MPPED2: variants seen among roughly 807,000 people sequenced by gnomAD.
MPPED2 encodes the protein metallophosphoesterase domain containing 2, also known as metallophosphoesterase MPPED2.
MPPED2 carries 5 observed loss-of-function variants against 33.0 expected under a neutral mutation model. That is an observed-to-expected ratio of 0.15 (90% confidence interval 0.08 to 0.32). The LOEUF (loss-of-function observed/expected upper bound fraction) is 0.32. Among genes scored for constraint, MPPED2 ranks in the 10% least tolerant of loss-of-function variants. The probability of loss-of-function intolerance (pLI) is 1.00; values close to 1 mark genes in which losing one functional copy is unlikely to be tolerated. For missense variants in MPPED2, 275 were observed against 372.1 expected (o/e 0.74, Z 2.15); for synonymous variants, 136 against 141.9 (o/e 0.96, Z 0.29).
chr11:30,473,720 G>A (rs1225799617), intron 4 of MPPED2, among the ~76,000 whole-genome samples: 1 of 152,152 alleles, frequency 6.6e-6, no homozygotes, highest in Non-Finnish European at 1.5e-5. Context: ...CCATCTTCCT[G>A]CATCTTTCTG....
At chr11:30,524,717 G>A (rs923120206) in intron 3 of MPPED2, among the ~76,000 whole-genome samples, 9 of 152,298 alleles carry the variant, frequency 5.9e-5, no homozygotes, top group African/African-American at 2.2e-4. Context: ...CTCAGGAAGT[G>A]AAATGAATAA....
chr11:30,563,390 G>A (rs2134737878), intron 2 of MPPED2, among the ~76,000 whole-genome samples: 1 of 152,304 alleles, frequency 6.6e-6, no homozygotes, highest in Non-Finnish European at 1.5e-5. Flanking sequence ...GCTCCTATCA[G>A]AATCTAATGT....
chr11:30,477,760 A>C (rs548024965), intron 4 of MPPED2, among the ~76,000 whole-genome samples: 2 of 152,138 alleles, frequency 1.3e-5, no homozygotes, highest in South Asian at 4.2e-4. Flanking sequence ...AAATTTCGGA[A>C]AGATTTTCTG....
chr11:30,515,760 C>T (rs975515151), intron 3 of MPPED2, among the ~76,000 whole-genome samples: 1 of 152,162 alleles, frequency 6.6e-6, no homozygotes, highest in African/African-American at 2.4e-5. Flanking sequence ...ATGCACTACC[C>T]CCAATTTGCC....
chr11:30,495,307 G>GAATCCCTTCACTGT lies in MPPED2; in HGVS notation c.524_525insACAGTGAAGGGATT (p.Tyr175Ter). On this transcript the variant is annotated stop_gained and frameshift_variant, in exon 4 of 7. Transcript: ENST00000358117. LOFTEE classifies it high-confidence loss of function. ...GAATCATCACTTACCAAGGTGCACC[G>GAATCCCTTCACTGT]TATATCCTGAATCCCTTCACTGTTA... The GAATCCCTTCACTGT allele has an allele frequency of 6.2e-7, 1 of 1,611,018 alleles. No individual in the cohort carries two copies. Among genetic ancestry groups the GAATCCCTTCACTGT allele is most frequent in the Non-Finnish European group, 8.5e-7 (1 of 1,177,226 alleles).
At chr11:30,547,163 T>A (rs1251854111) in intron 2 of MPPED2, among the ~76,000 whole-genome samples, 2 of 152,216 alleles carry the variant, frequency 1.3e-5, no homozygotes, top group Non-Finnish European at 2.9e-5. Context: ...AATCTAGGTC[T>A]AACTGCAATT....
intron 2 of MPPED2, among the ~76,000 whole-genome samples, chr11:30,561,217 C>T (rs997354334): frequency 3.9e-5 from 6 of 152,080 alleles, no homozygotes; most frequent in African/African-American, 1.4e-4. Context: ...CTGCTACAGC[C>T]AGTATATTCA....
chr11:30,520,575 A>G (rs577043861), intron 3 of MPPED2, among the ~76,000 whole-genome samples: 121 of 152,244 alleles, frequency 7.9e-4, no homozygotes, highest in African/African-American at 2.7e-3. Context: ...TTTGTCACCT[A>G]TGACTTTTTG....
chr11:30,416,660 T>C (rs1268926666), intron 5 of MPPED2, among the ~76,000 whole-genome samples: 2 of 152,168 alleles, frequency 1.3e-5, no homozygotes, highest in Non-Finnish European at 2.9e-5. Context: ...TGTGTGTGTT[T>C]AGCCACAATT....
At position 30,552,007 on chromosome 11, in the gene MPPED2, C is replaced by T. The variant is rs1033213261; in HGVS notation, c.129-15832G>A. 1.2e-4 allele frequency among the ~76,000 whole-genome samples: 18 copies of T among 152,232 alleles called. 1 individual carries two copies. The highest frequency in any genetic ancestry group is 4.1e-4 in the African/African-American group (17 of 41,444). On this transcript the variant is annotated intron_variant, in intron 2 of 6. Coordinates refer to ENST00000358117, the MANE Select transcript of MPPED2 (RefSeq NM_001584.3). ...ACTAGGTTGAAAAAACCTGAACACACTCCTTGATGAAGTGTTCCAAATACA... is the reference window on the plus strand; with the variant it reads ...ACTAGGTTGAAAAAACCTGAACACATTCCTTGATGAAGTGTTCCAAATACA...
intron 3 of MPPED2, among the ~76,000 whole-genome samples, chr11:30,533,556 A>C (rs1393316126): frequency 6.6e-6 from 1 of 152,130 alleles, no homozygotes; most frequent in Non-Finnish European, 1.5e-5. Flanking sequence ...TGCTGCTAGA[A>C]GCACCCTTTC....
chr11:30,487,188 G>A (rs61884727), intron 4 of MPPED2, among the ~76,000 whole-genome samples: 1 of 152,182 alleles, frequency 6.6e-6, no homozygotes, highest in African/African-American at 2.4e-5. Context: ...AGTGTAATAG[G>A]AGAAAATGAA....
chr11:30,476,313 C>T (rs1015816242), intron 4 of MPPED2, among the ~76,000 whole-genome samples: 2 of 151,756 alleles, frequency 1.3e-5, no homozygotes, highest in South Asian at 2.1e-4. Context: ...TTTTTTGTGT[C>T]CGAATCTAAG....
intron 4 of MPPED2, among the ~76,000 whole-genome samples, chr11:30,460,253 G>A (rs1029825594): frequency 1.3e-5 from 2 of 152,056 alleles, no homozygotes; most frequent in East Asian, 1.9e-4. Flanking sequence ...ATACATTTCT[G>A]CTTCCCGTGG....
intron 4 of MPPED2, among the ~76,000 whole-genome samples, chr11:30,439,301 A>G (rs1250137916): frequency 6.6e-6 from 1 of 152,198 alleles, no homozygotes. Context: ...AAATTATGAA[A>G]ATAATTTCAA....
intron 4 of MPPED2, among the ~76,000 whole-genome samples, chr11:30,472,687 T>C (rs1264206925): frequency 1.3e-5 from 2 of 152,216 alleles, no homozygotes; most frequent in Non-Finnish European, 2.9e-5. Flanking sequence ...GTAATTCCAC[T>C]TATGTGAGTT....
intron 4 of MPPED2, among the ~76,000 whole-genome samples, chr11:30,425,900 G>A (rs116058135): frequency 0.012 from 1,768 of 152,232 alleles, 40 homozygotes; most frequent in African/African-American, 0.038. Flanking sequence ...ATGGAGAGAA[G>A]TAGACGTAAA....
At chr11:30,578,923 T>C (rs780153059) in intron 2 of MPPED2, among the ~76,000 whole-genome samples, 4 of 152,182 alleles carry the variant, frequency 2.6e-5, no homozygotes, top group Admixed American at 1.3e-4. Flanking sequence ...TTCATAATCA[T>C]GAATATATTC....
chr11:30,412,550 T>C (rs959483292), intron 6 of MPPED2, among the ~76,000 whole-genome samples: 1 of 152,146 alleles, frequency 6.6e-6, no homozygotes, highest in Non-Finnish European at 1.5e-5. Context: ...TTGGCTAAAA[T>C]TTCTCCAAGT....
Sources: allele counts gnomAD v4.1 joint callset (sites outside exome capture counted in the v4.1 genomes callset), GRCh38; gene constraint gnomAD v4.1.1; transcripts MANE v1.5; gene names NCBI Gene and HGNC (gene_info 2026-07-23, HGNC 2026-07-21).